Variants in ROBO1 observed in about 807,000 individuals in gnomAD.
The protein encoded by ROBO1 is roundabout guidance receptor 1, also known as roundabout homolog 1.
Under a neutral mutation model 195.9 loss-of-function variants are expected in ROBO1, and 149 were observed. The observed-to-expected ratio is 0.76, with a 90% confidence interval of 0.67 to 0.87. The LOEUF (loss-of-function observed/expected upper bound fraction) is 0.87. Ranked by LOEUF, ROBO1 falls within the 40% of genes least tolerant of loss-of-function variation. The probability of loss-of-function intolerance (pLI) is 0.00; values close to 1 mark genes in which losing one functional copy is unlikely to be tolerated. For missense variants in ROBO1, 1,933 were observed against 2,068.3 expected, an observed-to-expected ratio of 0.93 and a Z score of 1.27; for synonymous variants, 816 against 733.2, an observed-to-expected ratio of 1.11 and a Z score of -1.82.
At chr3:79,336,719 CA>C (rs2034685515) in intron 2 of ROBO1, among the ~76,000 whole-genome samples, 2 of 152,152 alleles carry the variant, frequency 1.3e-5, no homozygotes, top group African/African-American at 4.8e-5. Flanking sequence ...CACAGTCCTC[CA>C]GACCCAAGAA....
chr3:79,632,357 C>A (rs776189845), intron 1 of ROBO1, among the ~76,000 whole-genome samples: 3 of 152,024 alleles, frequency 2.0e-5, no homozygotes, highest in Non-Finnish European at 4.4e-5. Flanking sequence ...TGGTCATTAT[C>A]CTAAATGAAT....
intron 3 of ROBO1, chr3:79,019,043 G>C (rs1576576221): frequency 3.0e-6 from 3 of 989,386 alleles, no homozygotes; most frequent in African/African-American, 1.7e-5. Context: ...CGCGCGCAGA[G>C]AGCGAGCGAG....
chr3:79,706,555 T>C (rs1244095499), intron 1 of ROBO1, among the ~76,000 whole-genome samples: 2 of 152,106 alleles, frequency 1.3e-5, no homozygotes, highest in Non-Finnish European at 1.5e-5. Flanking sequence ...TGATCTTTTG[T>C]TGTGGGAGGG....
chr3:79,377,651 C>A (rs1043689335), intron 2 of ROBO1, among the ~76,000 whole-genome samples: 1 of 151,864 alleles, frequency 6.6e-6, no homozygotes, highest in Non-Finnish European at 1.5e-5. Context: ...TTATTTTGAC[C>A]GCATTTTCAC....
At position 79,271,994 on chromosome 3, in the gene ROBO1, G is replaced by A. The variant is rs578004525; in HGVS notation, c.89-146455C>T. On this transcript the variant is annotated intron_variant, in intron 2 of 30. Transcript: ENST00000464233. ...TGATACTGACATATAAGTAAAAAAT[G>A]AGTGCGTGGGGTGGTTGTACTCCTT... Among the ~76,000 whole-genome samples the A allele has an allele frequency of 3.9e-5, 6 of 152,136 alleles. No individual in the cohort carries two copies. The South Asian group carries it at 8.3e-4, about 21-fold the overall frequency.
chr3:78,671,307 T>A (rs1462859527), intron 10 of ROBO1, among the ~76,000 whole-genome samples: 1 of 152,102 alleles, frequency 6.6e-6, no homozygotes, highest in Non-Finnish European at 1.5e-5. Context: ...AGTTTTTTTT[T>A]AATGACTTAA....
chr3:78,618,440 G>C (rs532184031), intron 26 of ROBO1, among the ~76,000 whole-genome samples: 16 of 152,096 alleles, frequency 1.1e-4, no homozygotes, highest in Non-Finnish European at 2.1e-4. Context: ...CATTCATCCT[G>C]AAACACTTTG....
intron 21 of ROBO1, among the ~76,000 whole-genome samples, chr3:78,644,356 C>T (rs1289235598): frequency 6.6e-6 from 1 of 152,124 alleles, no homozygotes; most frequent in African/African-American, 2.4e-5. Context: ...ACTTTGCTTA[C>T]TGATGCTTCC....
rs190649323 is a variant in ROBO1 at position 79,326,457 on chromosome 3, C to T, written c.89-200918G>A. 2.1e-4 allele frequency among the ~76,000 whole-genome samples: 32 copies of T among 152,092 alleles called. No individual in the cohort carries two copies. In the East Asian group the frequency reaches 5.2e-3, roughly 25 times the overall value. On this transcript the variant is annotated intron_variant, in intron 2 of 30. Coordinates refer to ENST00000464233, the MANE Select transcript of ROBO1 (RefSeq NM_002941.4). ...CTGGCCCTTTATTTCTCAAACAGGC[C>T]GATGCTTAGGAAAAATAGAAAAGAA...
intron 1 of ROBO1, among the ~76,000 whole-genome samples, chr3:79,691,155 G>T (rs949461702): frequency 6.6e-6 from 1 of 151,748 alleles, no homozygotes; most frequent in Admixed American, 6.6e-5. Flanking sequence ...TAACATTTTT[G>T]CATTAATGAG....
intron 1 of ROBO1, among the ~76,000 whole-genome samples, chr3:79,764,738 G>T (rs1210176449): frequency 6.6e-6 from 1 of 152,198 alleles, no homozygotes. Flanking sequence ...GCACACAAGT[G>T]TATAGCTTCC....
intron 2 of ROBO1, among the ~76,000 whole-genome samples, chr3:79,287,385 C>A (rs1435763650): frequency 6.6e-6 from 1 of 152,144 alleles, no homozygotes; most frequent in African/African-American, 2.4e-5. Flanking sequence ...AGTTTCTAGT[C>A]ATTTCCAGAC....
At chr3:78,761,411 CA>C (rs1250217137) in intron 4 of ROBO1, among the ~76,000 whole-genome samples, 1 of 152,070 alleles carries the variant, frequency 6.6e-6, no homozygotes, top group Non-Finnish European at 1.5e-5. Context: ...TACTTCTCCA[CA>C]AAAAACAGTT....
chr3:79,038,568 T>C (rs2078423567), intron 3 of ROBO1, among the ~76,000 whole-genome samples: 1 of 152,184 alleles, frequency 6.6e-6, no homozygotes, highest in Non-Finnish European at 1.5e-5. Flanking sequence ...CTTCTACCTG[T>C]ATACTTGTTG....
intron 1 of ROBO1, among the ~76,000 whole-genome samples, chr3:79,753,145 T>C (rs1236959836): frequency 6.6e-6 from 1 of 152,142 alleles, no homozygotes; most frequent in East Asian, 1.9e-4. Flanking sequence ...TTGAGTACCA[T>C]CAAAATATTT....
chr3:79,754,986 T>G (rs1003432950), intron 1 of ROBO1, among the ~76,000 whole-genome samples: 1 of 152,164 alleles, frequency 6.6e-6, no homozygotes, highest in Non-Finnish European at 1.5e-5. Flanking sequence ...GTTCAATCTA[T>G]TCTCCTGCCT....
intron 4 of ROBO1, among the ~76,000 whole-genome samples, chr3:78,782,348 C>G (rs1356838264): frequency 6.6e-6 from 1 of 151,952 alleles, no homozygotes; most frequent in African/African-American, 2.4e-5. Flanking sequence ...AGGCACCCAC[C>G]ACCACACCCA....
intron 2 of ROBO1, among the ~76,000 whole-genome samples, chr3:79,562,028 C>T (rs906918715): frequency 1.3e-5 from 2 of 152,088 alleles, no homozygotes; most frequent in African/African-American, 4.8e-5. Context: ...GGTTTTACTT[C>T]TTAAATTGTC....
intron 4 of ROBO1, among the ~76,000 whole-genome samples, chr3:78,798,668 A>C (rs2084257757): frequency 6.6e-6 from 1 of 152,206 alleles, no homozygotes; most frequent in African/African-American, 2.4e-5. Context: ...TTCATCATAT[A>C]TTTTTAGATC....
Sources: allele counts gnomAD v4.1 joint callset (sites outside exome capture counted in the v4.1 genomes callset), GRCh38; gene constraint gnomAD v4.1.1; transcripts MANE v1.5; gene names NCBI Gene and HGNC (gene_info 2026-07-23, HGNC 2026-07-21).